BICC1: variants seen among roughly 807,000 people sequenced by gnomAD.
BICC1 encodes BicC family RNA binding protein 1.
BICC1 carries 43 observed loss-of-function variants against 111.0 expected under a neutral mutation model. The ratio of observed to expected loss-of-function variants is 0.39; its 90% CI spans 0.30 to 0.50. BICC1 has a LOEUF of 0.50. Among genes scored for constraint, BICC1 ranks in the 20% least tolerant of loss-of-function variants. The pLI, the probability that BICC1 is intolerant of heterozygous loss-of-function variation, is 0.88. For synonymous variants in BICC1, 467 were observed against 434.4 expected (o/e 1.07, Z -0.93); for missense variants, 1,091 against 1,203.2 (o/e 0.91, Z 1.38).
At chr10:58,667,388 A>G (rs1839045272) in intron 2 of BICC1, among the ~76,000 whole-genome samples, 1 of 152,122 alleles carries the variant, frequency 6.6e-6, no homozygotes, top group African/African-American at 2.4e-5. Flanking sequence ...CCATTTGTTC[A>G]CTGGAATTAT....
intron 1 of BICC1, among the ~76,000 whole-genome samples, chr10:58,585,948 A>G (rs965325468): frequency 6.6e-6 from 1 of 152,184 alleles, no homozygotes; most frequent in East Asian, 1.9e-4. Flanking sequence ...CATAAAATAC[A>G]CAGTATGTTA....
intron 1 of BICC1, among the ~76,000 whole-genome samples, chr10:58,515,144 TC>T: frequency 6.6e-6 from 1 of 152,356 alleles, no homozygotes; most frequent in African/African-American, 2.4e-5. Context: ...ATTTGAAGGC[TC>T]TTTTGTATTA....
intron 2 of BICC1, among the ~76,000 whole-genome samples, chr10:58,689,857 A>C (rs1265263741): frequency 2.0e-5 from 3 of 152,146 alleles, no homozygotes; most frequent in Non-Finnish European, 2.9e-5. Context: ...CAGATGGGTA[A>C]GGTTTGGGTG....
At chr10:58,669,295 G>T (rs1413486742) in intron 2 of BICC1, among the ~76,000 whole-genome samples, 1 of 151,922 alleles carries the variant, frequency 6.6e-6, no homozygotes, top group Non-Finnish European at 1.5e-5. Flanking sequence ...TTGGATTTTG[G>T]ACACTTAACC....
intron 2 of BICC1, among the ~76,000 whole-genome samples, chr10:58,682,071 A>G (rs1009562181): frequency 3.1e-5 from 4 of 128,372 alleles, no homozygotes; most frequent in African/African-American, 1.2e-4. Flanking sequence ...CCTGTGTCCA[A>G]GTGTTCTCAT....
chr10:58,824,778 C>G (rs932404596), intron 20 of BICC1, among the ~76,000 whole-genome samples: 12 of 152,126 alleles, frequency 7.9e-5, no homozygotes, highest in African/African-American at 2.4e-4. Context: ...TCCCTCTAAT[C>G]TATTTTAAAC....
At chr10:58,537,694 G>A (rs1842859023) in intron 1 of BICC1, among the ~76,000 whole-genome samples, 1 of 151,672 alleles carries the variant, frequency 6.6e-6, no homozygotes, top group Non-Finnish European at 1.5e-5. Context: ...TCAAACTTAT[G>A]TCTATTTGCT....
chr10:58,532,846 C>G (rs1464450929), intron 1 of BICC1, among the ~76,000 whole-genome samples: 1 of 151,912 alleles, frequency 6.6e-6, no homozygotes, highest in East Asian at 1.9e-4. Context: ...GCATTGAGAT[C>G]CTAAAGCATT....
At chr10:58,804,555 T>C (rs1198436955) in intron 15 of BICC1, among the ~76,000 whole-genome samples, 1 of 152,164 alleles carries the variant, frequency 6.6e-6, no homozygotes, top group African/African-American at 2.4e-5. Context: ...AGACATTTAT[T>C]ACATTTTCTC....
chr10:58,582,120 G>C (rs1844299463), intron 1 of BICC1, among the ~76,000 whole-genome samples: 1 of 152,132 alleles, frequency 6.6e-6, no homozygotes, highest in South Asian at 2.1e-4. Flanking sequence ...CCAATATCCA[G>C]CTGGATGTAC....
At chr10:58,543,866 A>C (rs562300651) in intron 1 of BICC1, among the ~76,000 whole-genome samples, 1 of 149,018 alleles carries the variant, frequency 6.7e-6, no homozygotes, top group South Asian at 2.1e-4. Flanking sequence ...ACCTGTCTGC[A>C]TTCTGATATT....
chr10:58,711,520 G>A (rs555507924), intron 3 of BICC1, among the ~76,000 whole-genome samples: 37 of 152,264 alleles, frequency 2.4e-4, no homozygotes, highest in African/African-American at 7.5e-4. Flanking sequence ...GACATACAGC[G>A]CACACATCAT....
intron 3 of BICC1, among the ~76,000 whole-genome samples, chr10:58,708,139 T>C (rs942148157): frequency 7.0e-6 from 1 of 143,580 alleles, no homozygotes; most frequent in South Asian, 2.3e-4. Context: ...CCACCGCGCC[T>C]AGCCAGCCAA....
intron 1 of BICC1, among the ~76,000 whole-genome samples, chr10:58,566,988 A>C (rs1225878486): frequency 1.3e-5 from 2 of 152,144 alleles, no homozygotes; most frequent in African/African-American, 4.8e-5. Flanking sequence ...TTGAAACCTG[A>C]TGGGAGAATA....
At chr10:58,605,207 C>T (rs936039436) in intron 1 of BICC1, among the ~76,000 whole-genome samples, 39 of 152,074 alleles carry the variant, frequency 2.6e-4, no homozygotes, top group African/African-American at 8.0e-4. Flanking sequence ...AAAATCGTCA[C>T]GTAATATATA....
chr10:58,715,636 C>A (rs1458750381), intron 3 of BICC1: 22 of 1,605,454 alleles, frequency 1.4e-5, no homozygotes, highest in Non-Finnish European at 1.9e-5. Flanking sequence ...TCTTCAGGGC[C>A]AACAATACAG....
chr10:58,778,551 T>C (rs1324429782), intron 3 of BICC1, among the ~76,000 whole-genome samples: 1 of 152,132 alleles, frequency 6.6e-6, no homozygotes, highest in Non-Finnish European at 1.5e-5. Flanking sequence ...TAAGTGGAAG[T>C]GGGTCATCAA....
At chr10:58,684,897 A>AT (rs1219857777) in intron 2 of BICC1, among the ~76,000 whole-genome samples, 1 of 150,438 alleles carries the variant, frequency 6.6e-6, no homozygotes, top group Non-Finnish European at 1.5e-5. Flanking sequence ...GATCTTAGTT[A>AT]TTGCCTTCTG....
At chr10:58,707,916 C>T (rs548751692) in intron 3 of BICC1, among the ~76,000 whole-genome samples, 3 of 152,084 alleles carry the variant, frequency 2.0e-5, no homozygotes, top group Admixed American at 6.5e-5. Flanking sequence ...AGGCTGGTCT[C>T]GAGCTCCCGA....
Sources: allele counts gnomAD v4.1 joint callset (sites outside exome capture counted in the v4.1 genomes callset), GRCh38; gene constraint gnomAD v4.1.1; transcripts MANE v1.5; gene names NCBI Gene and HGNC (gene_info 2026-07-23, HGNC 2026-07-21).